RUNX1T1: variants seen among roughly 807,000 people sequenced by gnomAD.
The protein encoded by RUNX1T1 is RUNX1 partner transcriptional co-repressor 1, also known as protein CBFA2T1.
In RUNX1T1, 4 loss-of-function variants were observed where a neutral mutation model predicts 62.8. The observed-to-expected ratio is 0.06, with a 90% CI of 0.03 to 0.15. The LOEUF (loss-of-function observed/expected upper bound fraction) is 0.15. Among genes scored for constraint, RUNX1T1 ranks in the 10% least tolerant of loss-of-function variants. The pLI, the probability that RUNX1T1 is intolerant of heterozygous loss-of-function variation, is 1.00. For missense variants in RUNX1T1, 508 were observed against 754.3 expected (o/e 0.67, Z 3.82); for synonymous variants, 291 against 286.0 (o/e 1.02, Z -0.18).
chr8:92,036,900 T>C (rs1288454201), intron 1 of RUNX1T1, among the ~76,000 whole-genome samples: 2 of 152,188 alleles, frequency 1.3e-5, no homozygotes, highest in Non-Finnish European at 2.9e-5. Flanking sequence ...AACTCTTATA[T>C]TGTTCCCTAG....
intron 1 of RUNX1T1, among the ~76,000 whole-genome samples, chr8:92,086,642 CTA>C (rs1456592038): frequency 3.3e-5 from 5 of 152,302 alleles, no homozygotes; most frequent in Admixed American, 3.3e-4. Context: ...AGCTGTGATT[CTA>C]TGAGTCTGGG....
exon 11 of RUNX1T1, chr8:91,960,013 A>G (rs980068781): frequency 1.8e-6 from 1 of 567,686 alleles, no homozygotes; most frequent in Non-Finnish European, 3.1e-6. Context: ...AGTTCTCTAA[A>G]GAAAAGATAT....
chr8:92,008,485 T>C (rs547885087), intron 4 of RUNX1T1, among the ~76,000 whole-genome samples: 1 of 151,482 alleles, frequency 6.6e-6, no homozygotes, highest in East Asian at 1.9e-4. Flanking sequence ...AGGTAAAGGC[T>C]CTATCTGAAC....
chr8:91,979,606 C>T (rs565897264), intron 8 of RUNX1T1, among the ~76,000 whole-genome samples: 1 of 148,816 alleles, frequency 6.7e-6, no homozygotes, highest in African/African-American at 2.5e-5. Context: ...TTGCTTGGGG[C>T]GGGGGGTGGT....
At chr8:92,019,717 T>G (rs1360487377) in intron 1 of RUNX1T1, among the ~76,000 whole-genome samples, 2 of 152,184 alleles carry the variant, frequency 1.3e-5, no homozygotes, top group African/African-American at 4.8e-5. Context: ...ATAAGTTTCC[T>G]CCTCAATTTT....
At chr8:91,985,809 T>C (rs1816438994) in intron 8 of RUNX1T1, among the ~76,000 whole-genome samples, 1 of 152,156 alleles carries the variant, frequency 6.6e-6, no homozygotes, top group African/African-American at 2.4e-5. Flanking sequence ...CTCCCTGAGA[T>C]TGTTTTTGCT....
intron 1 of RUNX1T1, among the ~76,000 whole-genome samples, chr8:92,059,442 A>G (rs1489369907): frequency 6.6e-6 from 1 of 152,238 alleles, no homozygotes; most frequent in Non-Finnish European, 1.5e-5. Context: ...ATTGATGTTA[A>G]AAACAGAAAA....
chr8:91,969,953 T>A (rs1203231581), intron 10 of RUNX1T1, among the ~76,000 whole-genome samples: 1 of 152,080 alleles, frequency 6.6e-6, no homozygotes, highest in Admixed American at 6.6e-5. Flanking sequence ...GGCAATATTT[T>A]AAAAATCATG....
chr8:91,986,248 G>A (rs1816543429), exon 8 of RUNX1T1: 1 of 1,613,856 alleles, frequency 6.2e-7, no homozygotes, highest in Middle Eastern at 1.6e-4. Context: ...ATTCTTCCCG[G>A]TCTGCTTCTT....
intron 10 of RUNX1T1, among the ~76,000 whole-genome samples, chr8:91,963,796 T>A (rs376506566): frequency 2.6e-5 from 4 of 152,328 alleles, no homozygotes; most frequent in Middle Eastern, 3.4e-3. Context: ...CAAGATACTA[T>A]TTCCTGATAA....
chr8:92,008,039 G>T (rs1455156785), intron 4 of RUNX1T1, among the ~76,000 whole-genome samples: 1 of 151,388 alleles, frequency 6.6e-6, no homozygotes, highest in Admixed American at 6.6e-5. Context: ...ATAATCTTAT[G>T]GGACTACCAT....
upstream of RUNX1T1, among the ~76,000 whole-genome samples, chr8:92,102,626 G>A (rs939131376): frequency 2.0e-5 from 3 of 152,112 alleles, no homozygotes; most frequent in African/African-American, 7.2e-5. This position sits in a 1 kb window ranked among gnomAD's most constrained non-coding sequence, Gnocchi z 4.5. Flanking sequence ...AGTAAAAACT[G>A]CATCCTCGGC....
chr8:91,970,592 T>A (rs1812619518), intron 10 of RUNX1T1, 66 bp downstream of exon 11: 2 of 1,356,044 alleles, frequency 1.5e-6, no homozygotes, highest in Non-Finnish European at 2.0e-6. Context: ...TCACCTTGAA[T>A]GAAGAATGAG....
At chr8:92,031,410 C>G (rs1826204457) in intron 1 of RUNX1T1, among the ~76,000 whole-genome samples, 1 of 151,990 alleles carries the variant, frequency 6.6e-6, no homozygotes, top group African/African-American at 2.4e-5. Context: ...TGAAAATAAC[C>G]AGGAAACACT....
chr8:91,955,425 C>G (rs1179539546), downstream of RUNX1T1: 1 of 227,430 alleles, frequency 4.4e-6, no homozygotes, highest in African/African-American at 2.2e-5. Flanking sequence ...ATTAAATATC[C>G]AACCCTAACT....
chr8:92,021,972 T>C (rs1215940475), intron 1 of RUNX1T1, among the ~76,000 whole-genome samples: 1 of 151,002 alleles, frequency 6.6e-6, no homozygotes. Context: ...TCTTTCAGCT[T>C]CCCTCAACTG....
intron 1 of RUNX1T1, among the ~76,000 whole-genome samples, chr8:92,022,000 A>C (rs1022716446): frequency 1.3e-5 from 2 of 151,370 alleles, no homozygotes; most frequent in African/African-American, 4.9e-5. Context: ...CAACAGCCAT[A>C]TCACATTACC....
At chr8:92,034,137 A>C (rs1826809273) in intron 1 of RUNX1T1, among the ~76,000 whole-genome samples, 1 of 152,174 alleles carries the variant, frequency 6.6e-6, no homozygotes, top group South Asian at 2.1e-4. Context: ...AACACACACG[A>C]GTAGAAAAAG....
At chr8:92,061,435 G>C (rs779470648) in intron 1 of RUNX1T1, among the ~76,000 whole-genome samples, 4 of 152,104 alleles carry the variant, frequency 2.6e-5, no homozygotes, top group Non-Finnish European at 5.9e-5. Flanking sequence ...ACCTTTCAAA[G>C]ACCTCAGTCA....
Sources: allele counts gnomAD v4.1 joint callset (sites outside exome capture counted in the v4.1 genomes callset), GRCh38; gene constraint gnomAD v4.1.1; non-coding constraint Gnocchi (gnomAD v3.1); transcripts MANE v1.5; gene names NCBI Gene and HGNC (gene_info 2026-07-23, HGNC 2026-07-21).